Variants in DCC observed in about 807,000 individuals in gnomAD.
The protein encoded by DCC is DCC netrin 1 receptor, also known as netrin receptor DCC.
In DCC, 58 loss-of-function variants were observed where a neutral mutation model predicts 172.5. The ratio of observed to expected loss-of-function variants is 0.34; its 90% CI spans 0.27 to 0.42. The LOEUF is 0.42. DCC is among the 10% of genes least tolerant of loss of function. The pLI is 1.00. For missense variants in DCC, 1,740 were observed against 1,791.0 expected, an observed-to-expected ratio of 0.97 and a Z score of 0.51; for synonymous variants, 709 against 644.5, an observed-to-expected ratio of 1.10 and a Z score of -1.52.
At chr18:53,407,773 T>C (rs1056020649) in intron 19 of DCC, among the ~76,000 whole-genome samples, 1 of 151,828 alleles carries the variant, frequency 6.6e-6, no homozygotes, top group Non-Finnish European at 1.5e-5. Flanking sequence ...GATGTGGAGA[T>C]GTGGATCTTC....
intron 9 of DCC, among the ~76,000 whole-genome samples, chr18:53,199,302 G>A (rs2055498913): frequency 6.6e-6 from 1 of 151,800 alleles, no homozygotes; most frequent in African/African-American, 2.4e-5. Context: ...TGTTGGCCAG[G>A]CTGGTCTTGA....
intron 13 of DCC, among the ~76,000 whole-genome samples, chr18:53,318,936 G>A (rs2057375124): frequency 6.6e-6 from 1 of 152,140 alleles, no homozygotes; most frequent in South Asian, 2.1e-4. Flanking sequence ...CTGCAAGTCC[G>A]ATAATAGTGG....
chr18:52,957,092 A>G (rs1301115087), intron 5 of DCC, among the ~76,000 whole-genome samples: 2 of 152,198 alleles, frequency 1.3e-5, no homozygotes, highest in African/African-American at 4.8e-5. Flanking sequence ...CGATAGAAAG[A>G]ACAATCAAAT....
At chr18:53,430,808 A>T (rs1421056299) in intron 21 of DCC, among the ~76,000 whole-genome samples, 1 of 152,178 alleles carries the variant, frequency 6.6e-6, no homozygotes, top group Non-Finnish European at 1.5e-5. Context: ...GCACAAAGGA[A>T]TATAACAATG....
intron 7 of DCC, among the ~76,000 whole-genome samples, chr18:53,145,977 T>C (rs1410169084): frequency 6.6e-6 from 1 of 152,166 alleles, no homozygotes; most frequent in Non-Finnish European, 1.5e-5. Flanking sequence ...CTCACAGCTG[T>C]AATCCTGGCA....
At chr18:52,506,963 T>G (rs1014915654) in intron 1 of DCC, among the ~76,000 whole-genome samples, 1 of 152,128 alleles carries the variant, frequency 6.6e-6, no homozygotes, top group African/African-American at 2.4e-5. Flanking sequence ...ATGGATTCTA[T>G]TGATTAAAGG....
chr18:53,332,910 T>G (rs902736325), intron 14 of DCC, among the ~76,000 whole-genome samples: 1 of 151,992 alleles, frequency 6.6e-6, no homozygotes, highest in Admixed American at 6.6e-5. Flanking sequence ...ACAAAAATTT[T>G]CTTTTAAAAA....
chr18:52,341,028 T>G (rs1415939226), intron 1 of DCC, 150 bp downstream of exon 1: 1 of 602,450 alleles, frequency 1.7e-6, no homozygotes, highest in African/African-American at 1.9e-5. Context: ...TGATAAAAGA[T>G]AGAAGAGTTT....
chr18:53,300,995 T>TCTTTCTTTCTTTCTTTCTTTCTTTCTTTC (rs1355549524), intron 12 of DCC, among the ~76,000 whole-genome samples: 6 of 109,662 alleles, frequency 5.5e-5, no homozygotes, highest in Admixed American at 2.0e-4. Flanking sequence ...CTTTCTTTTT[T>TCTTTCTTTCTTTCTTTCTTTCTTTCTTTC]TTTCTTTTCT....
At chr18:52,619,148 G>A (rs2034436680) in intron 1 of DCC, among the ~76,000 whole-genome samples, 1 of 152,076 alleles carries the variant, frequency 6.6e-6, no homozygotes, top group South Asian at 2.1e-4. Flanking sequence ...ATGTTGGCCA[G>A]GCTGGTCTCA....
chr18:53,207,745 C>A lies in DCC; in HGVS notation c.1789C>A (p.Arg597=). The A allele has an allele frequency of 6.2e-7, 1 of 1,612,756 alleles. No homozygotes were observed. The highest frequency in any genetic ancestry group is 1.3e-5 in the African/African-American group (1 of 74,964). ...GAAAAAATTCACCGAATATAGTCTTCGATTCTTAGCTTATAATCGCTATGG... is the reference window on the plus strand; with the variant it reads ...GAAAAAATTCACCGAATATAGTCTTAGATTCTTAGCTTATAATCGCTATGG... The part of the protein sequence containing the change: ...GLKKFTEYSL[R]FLAYNRYGPG... Residue 597 remains arginine (R), a synonymous_variant, in exon 11 of 29, where the codon CGA becomes AGA. Coordinates refer to ENST00000442544, the MANE Select transcript of DCC (RefSeq NM_005215.4).
chr18:52,667,499 C>G (rs886211929), intron 1 of DCC, among the ~76,000 whole-genome samples: 2 of 152,210 alleles, frequency 1.3e-5, no homozygotes, highest in African/African-American at 4.8e-5. Context: ...ATTAGGGCTT[C>G]TTTGTCTTCA....
At chr18:53,100,850 C>G (rs1414797220) in intron 7 of DCC, among the ~76,000 whole-genome samples, 1 of 151,858 alleles carries the variant, frequency 6.6e-6, no homozygotes, top group East Asian at 1.9e-4. Flanking sequence ...ATGGAGAGAG[C>G]CTGTTTTAAG....
At chr18:52,359,399 A>G (rs1984520651) in intron 1 of DCC, among the ~76,000 whole-genome samples, 1 of 152,208 alleles carries the variant, frequency 6.6e-6, no homozygotes, top group South Asian at 2.1e-4. Flanking sequence ...TTAAGTAGCA[A>G]TGTGCTAGCT....
At chr18:53,416,012 G>A (rs760154298) in intron 20 of DCC, 112 bp from the exon 21 acceptor site, 1 of 758,972 alleles carries the variant, frequency 1.3e-6, no homozygotes, top group East Asian at 2.6e-5. Context: ...TATTTCAAGA[G>A]GGCACTAGCT....
At chr18:52,910,496 C>T (rs538697616) in intron 3 of DCC, among the ~76,000 whole-genome samples, 16 of 152,148 alleles carry the variant, frequency 1.1e-4, no homozygotes, top group African/African-American at 3.6e-4. Context: ...TGTGCTAAAG[C>T]ATTTTTTAAA....
rs1017901618 is a variant in DCC, at chr18:52,834,783, T to C, written c.413-71261T>C. Among the ~76,000 whole-genome samples the C allele has an allele frequency of 3.3e-5, 5 of 152,160 alleles. No homozygotes were observed. The South Asian group carries it at 6.2e-4, about 19-fold the overall frequency. On this transcript the variant is annotated intron_variant, in intron 2 of 28. Transcript: ENST00000442544. ...CTCTGTGGTCTTCCTTGTGATTAGATGAGTAATTTATAATTATCCAATGCA... is the reference window on the plus strand; with the variant it reads ...CTCTGTGGTCTTCCTTGTGATTAGACGAGTAATTTATAATTATCCAATGCA...
At chr18:52,936,983 A>T (rs2040390763) in intron 5 of DCC, among the ~76,000 whole-genome samples, 1 of 152,160 alleles carries the variant, frequency 6.6e-6, no homozygotes, top group Admixed American at 6.6e-5. Context: ...TTATGTAGTA[A>T]GGTATGGACT....
At chr18:53,368,383 G>A (rs1240381597) in intron 15 of DCC, among the ~76,000 whole-genome samples, 2 of 151,984 alleles carry the variant, frequency 1.3e-5, no homozygotes, top group Admixed American at 1.3e-4. Context: ...TATAGTATGG[G>A]TTATCTTTTT....
Sources: allele counts gnomAD v4.1 joint callset (sites outside exome capture counted in the v4.1 genomes callset), GRCh38; gene constraint gnomAD v4.1.1; transcripts MANE v1.5; gene names NCBI Gene and HGNC (gene_info 2026-07-23, HGNC 2026-07-21).